SLC2A13: variants seen among roughly 807,000 people sequenced by gnomAD.
The protein encoded by SLC2A13 is proton myo-inositol cotransporter.
A neutral mutation model predicts 64.4 loss-of-function variants in SLC2A13; 32 were observed. The observed-to-expected ratio is 0.50, with a 90% confidence interval of 0.37 to 0.67. The LOEUF (loss-of-function observed/expected upper bound fraction) is 0.67. Among genes scored for constraint, SLC2A13 ranks in the 30% least tolerant of loss-of-function variants. SLC2A13 has a pLI of 0.00. For synonymous variants in SLC2A13, 338 were observed against 327.1 expected, an observed-to-expected ratio of 1.03 and a Z score of -0.36; for missense variants, 743 against 829.2, an observed-to-expected ratio of 0.90 and a Z score of 1.28.
intron 3 of SLC2A13, among the ~76,000 whole-genome samples, chr12:39,958,698 TCTC>T (rs1946359260): frequency 2.0e-5 from 3 of 152,236 alleles, no homozygotes; most frequent in African/African-American, 7.2e-5. Flanking sequence ...TCATACTACT[TCTC>T]CTCTAATAGG....
At chr12:39,929,255 A>C (rs990591541) in intron 4 of SLC2A13, among the ~76,000 whole-genome samples, 1 of 152,302 alleles carries the variant, frequency 6.6e-6, no homozygotes, top group Middle Eastern at 3.4e-3. Context: ...AGTCAGCCTA[A>C]AAAGAAGACA....
Position 39,959,144 on chromosome 12 carries a change from T to A in SLC2A13, c.926-7779A>T, listed in dbSNP as rs7138716. On this transcript the variant is annotated intron_variant, in intron 3 of 9. Transcript: ENST00000280871. ...TATACTCCAAGTTGCTAAACAATGTTGTGATTAATTAGAAACTACCACCAA... is the reference window on the plus strand; with the variant it reads ...TATACTCCAAGTTGCTAAACAATGTAGTGATTAATTAGAAACTACCACCAA... Among the ~76,000 whole-genome samples, 1,246 of 152,248 alleles carry A rather than the reference T, an allele frequency of 8.2e-3. 9 individuals are homozygous for A. Among genetic ancestry groups the A allele is most frequent in the African/African-American group, 0.028 (1,165 of 41,546 alleles).
At chr12:39,787,090 G>A (rs187576141) in intron 7 of SLC2A13, among the ~76,000 whole-genome samples, 8 of 152,122 alleles carry the variant, frequency 5.3e-5, no homozygotes, top group African/African-American at 1.9e-4. Context: ...TGTATCAGGA[G>A]TGACTCAATC....
At position 40,082,208 on chromosome 12, in the gene SLC2A13, G is replaced by A. The variant is rs766764913; in HGVS notation, c.556+23045C>T. The stretch of plus-strand genomic sequence containing the variant: ...CATGCACACGGCATGTACACATAGT[G>A]TTCACTGAGCAATCCTGTGACTCAA... On this transcript the variant is annotated intron_variant, in intron 1 of 9. Coordinates refer to ENST00000280871, the MANE Select transcript of SLC2A13 (RefSeq NM_052885.4). Among the ~76,000 whole-genome samples, 10 of 152,326 alleles carry A rather than the reference G, an allele frequency of 6.6e-5. No individual in the cohort carries two copies. In the South Asian group the frequency reaches 2.1e-3, roughly 32 times the overall value.
chr12:40,059,475 T>C (rs1948383456), intron 1 of SLC2A13, among the ~76,000 whole-genome samples: 1 of 152,140 alleles, frequency 6.6e-6, no homozygotes, highest in East Asian at 1.9e-4. Flanking sequence ...GTTCCCAAAC[T>C]CCCACTTTAG....
intron 7 of SLC2A13, among the ~76,000 whole-genome samples, chr12:39,788,998 GTTTGT>G (rs1452771631): frequency 6.6e-6 from 1 of 152,064 alleles, no homozygotes; most frequent in African/African-American, 2.4e-5. Context: ...TTGTTTTGTA[GTTTGT>G]TTTAACTTAT....
At chr12:40,061,487 C>T (rs1948421522) in intron 1 of SLC2A13, among the ~76,000 whole-genome samples, 1 of 151,986 alleles carries the variant, frequency 6.6e-6, no homozygotes, top group Non-Finnish European at 1.5e-5. Context: ...GGGAAAGAAA[C>T]ACAATCAAAA....
chr12:39,946,881 T>C lies in SLC2A13; in HGVS notation c.1034+4376A>G, dbSNP rs547269422. Among the ~76,000 whole-genome samples the C allele has an allele frequency of 3.8e-4, 58 of 152,308 alleles. 1 individual carries two copies. Among genetic ancestry groups the C allele is most frequent in the South Asian group, 8.3e-4 (4 of 4,824 alleles). ...CCTCCCTTATGGCCAGGAGGCTTCT[T>C]GCCCCATTCAAATTGTTACCAAGTT... is the stretch of plus-strand genomic sequence containing the variant. On this transcript the variant is annotated intron_variant, in intron 4 of 9. Transcript: ENST00000280871.
intron 3 of SLC2A13, among the ~76,000 whole-genome samples, chr12:40,000,124 C>G (rs1015706764): frequency 1.3e-5 from 2 of 152,160 alleles, no homozygotes; most frequent in African/African-American, 4.8e-5. Context: ...TTGCCTGCTG[C>G]CATCCATGTA....
intron 4 of SLC2A13, among the ~76,000 whole-genome samples, chr12:39,943,696 G>C (rs141503102): frequency 4.6e-5 from 7 of 152,304 alleles, no homozygotes; most frequent in African/African-American, 1.7e-4. Flanking sequence ...TGGGCTCCGT[G>C]GGGTGGGATC....
At chr12:39,875,308 T>A (rs1397858810) in intron 4 of SLC2A13, among the ~76,000 whole-genome samples, 1 of 152,188 alleles carries the variant, frequency 6.6e-6, no homozygotes, top group Non-Finnish European at 1.5e-5. Flanking sequence ...CCTTCCTCAG[T>A]CTTCAAAGCC....
intron 4 of SLC2A13, among the ~76,000 whole-genome samples, chr12:39,944,592 A>G (rs1432448973): frequency 6.6e-6 from 1 of 152,196 alleles, no homozygotes; most frequent in Non-Finnish European, 1.5e-5. Flanking sequence ...ACCATTATAT[A>G]CTGTCCCTCT....
At chr12:39,999,057 T>G (rs566132468) in intron 3 of SLC2A13, among the ~76,000 whole-genome samples, 3 of 152,290 alleles carry the variant, frequency 2.0e-5, no homozygotes, top group Admixed American at 1.3e-4. Context: ...CACTTACCAG[T>G]TCCCAAATAA....
intron 3 of SLC2A13, among the ~76,000 whole-genome samples, chr12:40,011,518 G>T (rs1489642214): frequency 6.6e-6 from 1 of 152,098 alleles, no homozygotes; most frequent in African/African-American, 2.4e-5. Flanking sequence ...ACATGTGCAG[G>T]TTTGTTACAC....
At chr12:39,869,295 ATTGG>A (rs1475280680) in intron 5 of SLC2A13, among the ~76,000 whole-genome samples, 2 of 152,196 alleles carry the variant, frequency 1.3e-5, no homozygotes, top group Non-Finnish European at 2.9e-5. Flanking sequence ...GTAAAGGTCC[ATTGG>A]TCATTATCTT....
chr12:39,988,719 AAGGAAGGAAGGG>A (rs1947079709), intron 3 of SLC2A13, among the ~76,000 whole-genome samples: 1 of 106,152 alleles, frequency 9.4e-6, no homozygotes, highest in Non-Finnish European at 2.2e-5. Flanking sequence ...GGAAGGAAGG[AAGGAAGGAAGGG>A]GGGGAGGAAA....
intron 6 of SLC2A13, among the ~76,000 whole-genome samples, chr12:39,845,703 A>G (rs1201407424): frequency 6.6e-6 from 1 of 152,158 alleles, no homozygotes; most frequent in Non-Finnish European, 1.5e-5. Flanking sequence ...ATGTCCTCTG[A>G]TGCCAGCAAC....
intron 6 of SLC2A13, among the ~76,000 whole-genome samples, chr12:39,838,881 G>A (rs2135868092): frequency 6.6e-6 from 1 of 152,204 alleles, no homozygotes; most frequent in Non-Finnish European, 1.5e-5. Context: ...AACTCAATGA[G>A]ATGGAGCACT....
chr12:39,954,785 C>T (rs548786566), intron 3 of SLC2A13, among the ~76,000 whole-genome samples: 9 of 152,144 alleles, frequency 5.9e-5, no homozygotes, highest in African/African-American at 1.2e-4. Flanking sequence ...GTAAAGATAA[C>T]GGGACCAATT....
Sources: allele counts gnomAD v4.1 joint callset (sites outside exome capture counted in the v4.1 genomes callset), GRCh38; gene constraint gnomAD v4.1.1; transcripts MANE v1.5; gene names NCBI Gene and HGNC (gene_info 2026-07-23, HGNC 2026-07-21).